GALNT11: variants seen among roughly 807,000 people sequenced by gnomAD.
GALNT11 encodes the protein UDP-GalNAc:polypeptide N-acetylgalactosaminyltransferase 11.
In GALNT11, 47 loss-of-function variants were observed where a neutral mutation model predicts 72.7. The ratio of observed to expected loss-of-function variants is 0.65; its 90% CI spans 0.51 to 0.82. The LOEUF is 0.82. GALNT11 is among the 40% of genes least tolerant of loss of function. GALNT11 has a pLI of 0.00. For synonymous variants in GALNT11, 270 were observed against 286.6 expected, an observed-to-expected ratio of 0.94 and a Z score of 0.58; for missense variants, 677 against 778.4, an observed-to-expected ratio of 0.87 and a Z score of 1.55.
chr7:152,081,923 T>C (rs6953090), intron 1 of GALNT11, among the ~76,000 whole-genome samples: 24,239 of 152,188 alleles, frequency 0.16, 4,701 homozygotes, highest in African/African-American at 0.46. Context: ...AATAAAAATA[T>C]TTTCCTTTGT....
chr7:152,099,342 TTTTATTTA>T (rs143805862), intron 2 of GALNT11, among the ~76,000 whole-genome samples: 5,044 of 143,598 alleles, frequency 0.035, 248 homozygotes, highest in African/African-American at 0.12. Flanking sequence ...AAAAATGGAC[TTTTATTTA>T]TTTATTTATT....
At chr7:152,089,850 TTAAC>T (rs1242447244) in intron 1 of GALNT11, among the ~76,000 whole-genome samples, 4 of 152,222 alleles carry the variant, frequency 2.6e-5, no homozygotes, top group African/African-American at 9.7e-5. Context: ...GATTTACTCT[TTAAC>T]AAGAAGGGAA....
intron 1 of GALNT11, among the ~76,000 whole-genome samples, chr7:152,084,956 A>G (rs541032078): frequency 2.0e-5 from 3 of 152,186 alleles, no homozygotes; most frequent in African/African-American, 7.2e-5. Flanking sequence ...CCAAAGTCAC[A>G]ATGTTGAGCA....
At position 152,121,758 on chromosome 7, in the gene GALNT11, G is replaced by A; in HGVS notation, c.*81G>A. 2 of 1,528,684 alleles carry A rather than the reference G, an allele frequency of 1.3e-6. No homozygotes were observed. The highest frequency in any genetic ancestry group is 1.8e-6 in the Non-Finnish European group (2 of 1,127,790). The allele number at this position is 1,528,684 out of a possible 1,614,324, so 94.7% of individuals were successfully genotyped here. On this transcript the variant is annotated 3_prime_UTR_variant, in exon 12 of 12. Transcript: ENST00000430044. ...TTGGGGCTTTAGGAAAGCCTGGGTTGGGTGGAGCAGAACCATCTTGGAGAA... is the reference window on the plus strand; with the variant it reads ...TTGGGGCTTTAGGAAAGCCTGGGTTAGGTGGAGCAGAACCATCTTGGAGAA...
chr7:152,116,061 A>T (rs559649349), intron 8 of GALNT11, among the ~76,000 whole-genome samples: 1 of 152,320 alleles, frequency 6.6e-6, no homozygotes, highest in East Asian at 1.9e-4. Context: ...CATCTCAAAA[A>T]AAATTTACTG....
intron 1 of GALNT11, among the ~76,000 whole-genome samples, chr7:152,073,131 A>T (rs2084758051): frequency 6.6e-6 from 1 of 152,134 alleles, no homozygotes; most frequent in Admixed American, 6.5e-5. Context: ...CATCTCATAC[A>T]TTTATCATTT....
At chr7:152,071,109 G>A (rs112043662) in intron 1 of GALNT11, among the ~76,000 whole-genome samples, 31,695 of 150,438 alleles carry the variant, frequency 0.21, 2,204 homozygotes, top group Middle Eastern at 0.31. Context: ...TGCTAATGAA[G>A]TTTCGGGCAC....
Position 152,094,522 on chromosome 7 carries a change from G to T in GALNT11, c.295G>T (p.Gly99Cys). The stretch of plus-strand genomic sequence containing the variant: ...CCACTTGAAATTCTCTTCTGAATTA[G>T]GTAAGTATATGATGTTTACCAGCAT... ...EGHLKFSSEL[G>C]MIFNERDQEL... is the part of the protein sequence containing the mutation. Residue 99 changes from glycine to cysteine, a missense_variant and splice_region_variant, in exon 2 of 12, where the codon GGT (glycine) becomes TGT (cysteine). Coordinates refer to ENST00000430044, the MANE Select transcript of GALNT11 (RefSeq NM_022087.4). This position sits in a 1 kb window ranked among gnomAD's most constrained non-coding sequence, Gnocchi z 4.3. The T allele has an allele frequency of 1.6e-5, 26 of 1,605,470 alleles. No individual in the cohort carries two copies. The highest frequency in any genetic ancestry group is 2.2e-5 in the Non-Finnish European group (26 of 1,175,276).
chr7:152,101,620 C>T (rs1213428180), intron 3 of GALNT11, among the ~76,000 whole-genome samples: 1 of 136,636 alleles, frequency 7.3e-6, no homozygotes, highest in Non-Finnish European at 1.5e-5. Flanking sequence ...TCAATGTGTT[C>T]TCTAAGTTCA....
At position 152,051,649 on chromosome 7, in the gene GALNT11, G is replaced by A. The variant is rs1046868225; in HGVS notation, c.-39+25765G>A. 3.3e-5 allele frequency among the ~76,000 whole-genome samples: 5 copies of A among 152,278 alleles called. No individual in the cohort carries two copies. The South Asian group carries it at 1.0e-3, about 32-fold the overall frequency. On this transcript the variant is annotated intron_variant, in intron 1 of 11. Transcript: ENST00000430044. ...TATTACTCTCCTCCCCCAAATCACA[G>A]ATGTAGGGTAGACTCTTCAGAATTT...
chr7:152,049,185 G>A (rs932012155), intron 1 of GALNT11, among the ~76,000 whole-genome samples: 3 of 152,108 alleles, frequency 2.0e-5, no homozygotes, highest in African/African-American at 7.2e-5. Flanking sequence ...GCTTGAGGAT[G>A]TTTGTTGGTT....
intron 1 of GALNT11, among the ~76,000 whole-genome samples, chr7:152,088,589 T>C (rs1435647474): frequency 6.6e-6 from 1 of 152,064 alleles, no homozygotes; most frequent in Non-Finnish European, 1.5e-5. Flanking sequence ...ACTGCCCTTA[T>C]TTTGATATCA....
chr7:152,057,790 A>T (rs1347420302), intron 1 of GALNT11, among the ~76,000 whole-genome samples: 1 of 152,216 alleles, frequency 6.6e-6, no homozygotes, highest in East Asian at 1.9e-4. Context: ...TGGTACGTGT[A>T]TTTCAGTTAA....
At chr7:152,108,647 G>A (rs563834587) in intron 6 of GALNT11, among the ~76,000 whole-genome samples, 123 of 152,248 alleles carry the variant, frequency 8.1e-4, no homozygotes, top group African/African-American at 2.9e-3. Flanking sequence ...TTTGGTAGCC[G>A]GAGTGATGTT....
chr7:152,070,595 T>C (rs1413776758), intron 1 of GALNT11, among the ~76,000 whole-genome samples: 2 of 152,190 alleles, frequency 1.3e-5, no homozygotes, highest in African/African-American at 4.8e-5. Flanking sequence ...TTGTATCAAC[T>C]CTGATCTCCT....
intron 1 of GALNT11, among the ~76,000 whole-genome samples, chr7:152,029,732 A>C (rs1481554573): frequency 6.6e-6 from 1 of 152,220 alleles, no homozygotes; most frequent in African/African-American, 2.4e-5. Flanking sequence ...TCATTTACTG[A>C]ATACCCCTTG....
intron 1 of GALNT11, among the ~76,000 whole-genome samples, chr7:152,052,981 C>T (rs1165232193): frequency 6.6e-6 from 1 of 152,224 alleles, no homozygotes; most frequent in Non-Finnish European, 1.5e-5. Flanking sequence ...CCTTGGGGGC[C>T]CATGCCCTGT....
chr7:152,097,953 G>A (rs2086502723), intron 2 of GALNT11, among the ~76,000 whole-genome samples: 1 of 152,156 alleles, frequency 6.6e-6, no homozygotes. Flanking sequence ...CATTGAGAAT[G>A]TACTAAATGT....
At chr7:152,026,844 T>C (rs1165103179) in intron 1 of GALNT11, among the ~76,000 whole-genome samples, 1 of 152,206 alleles carries the variant, frequency 6.6e-6, no homozygotes, top group African/African-American at 2.4e-5. Flanking sequence ...TCCCCTACAA[T>C]GTATAAAACT....
Sources: gnomAD v4.1 joint callset for allele counts (sites outside exome capture counted in the v4.1 genomes callset) on GRCh38, gnomAD v4.1.1 for gene constraint, Gnocchi (gnomAD v3.1) non-coding constraint, MANE v1.5 for transcripts, NCBI Gene and HGNC (gene_info 2026-07-23, HGNC 2026-07-21) for gene names.